The following CYYR1 variants were observed in gnomAD, a reference collection of about 807,000 sequenced individuals.
CYYR1 encodes cysteine and tyrosine rich 1.
CYYR1 carries 14 observed loss-of-function variants against 15.2 expected under a neutral mutation model. That is an observed-to-expected ratio of 0.92 (90% CI 0.61 to 1.44). CYYR1 has a LOEUF of 1.44. Among genes scored for constraint, CYYR1 ranks in the 40% most tolerant of loss-of-function variants. CYYR1 has a pLI of 0.00. For synonymous variants in CYYR1, 80 were observed against 77.4 expected, an observed-to-expected ratio of 1.03 and a Z score of -0.18; for missense variants, 228 against 209.5, an observed-to-expected ratio of 1.09 and a Z score of -0.54.
intron 2 of CYYR1, chr21:26,483,542 T>G: frequency 2.1e-6 from 1 of 482,544 alleles, no homozygotes; most frequent in African/African-American, 2.1e-5. Flanking sequence ...GGCTATTCAT[T>G]TTTCTCCATG....
At chr21:26,507,112 G>T (rs141267230) in intron 2 of CYYR1, among the ~76,000 whole-genome samples, 1 of 152,044 alleles carries the variant, frequency 6.6e-6, no homozygotes, top group Non-Finnish European at 1.5e-5. Context: ...TTTTATTTTC[G>T]ACTTTAAAAT....
intron 2 of CYYR1, among the ~76,000 whole-genome samples, chr21:26,563,727 G>C (rs1047828233): frequency 2.0e-5 from 3 of 152,106 alleles, no homozygotes; most frequent in Admixed American, 2.0e-4. Flanking sequence ...AGAATTAAGG[G>C]CTAAACAGCA....
At chr21:26,491,425 A>G (rs1436160523) in intron 2 of CYYR1, among the ~76,000 whole-genome samples, 1 of 152,144 alleles carries the variant, frequency 6.6e-6, no homozygotes, top group Non-Finnish European at 1.5e-5. Context: ...ATTTGTTGAG[A>G]TTTAAGTCCT....
At chr21:26,477,692 C>T (rs2065122036) in intron 3 of CYYR1, 1 of 940,002 alleles carries the variant, frequency 1.1e-6, no homozygotes, top group African/African-American at 1.8e-5. Context: ...CTTTTTTGAT[C>T]AAGCTAATGA....
At chr21:26,521,060 G>A (rs1194256272) in intron 2 of CYYR1, among the ~76,000 whole-genome samples, 1 of 152,106 alleles carries the variant, frequency 6.6e-6, no homozygotes, top group Non-Finnish European at 1.5e-5. Context: ...AGAGCATCAC[G>A]ATAAATAGCT....
chr21:26,484,486 T>G (rs531375768), intron 2 of CYYR1, among the ~76,000 whole-genome samples: 1 of 152,276 alleles, frequency 6.6e-6, no homozygotes, highest in South Asian at 2.1e-4. Flanking sequence ...GATGTGTTGC[T>G]ATTAGTAATT....
chr21:26,516,586 ATT>A (rs2065729665), intron 2 of CYYR1, among the ~76,000 whole-genome samples: 1 of 152,196 alleles, frequency 6.6e-6, no homozygotes, highest in Non-Finnish European at 1.5e-5. Flanking sequence ...AATATAATCA[ATT>A]TTTAATTGTC....
chr21:26,542,973 A>G (rs185021079), intron 2 of CYYR1, among the ~76,000 whole-genome samples: 212 of 152,342 alleles, frequency 1.4e-3, no homozygotes, highest in Admixed American at 2.4e-3. Flanking sequence ...CAATGCCTAA[A>G]TGATATATTC....
intron 2 of CYYR1, chr21:26,551,892 A>G: frequency 5.5e-6 from 1 of 181,464 alleles, no homozygotes. Flanking sequence ...AACGCTACCG[A>G]AGAGCGTTGC....
intron 2 of CYYR1, among the ~76,000 whole-genome samples, chr21:26,493,676 G>C (rs924461760): frequency 1.3e-5 from 2 of 152,078 alleles, no homozygotes; most frequent in African/African-American, 4.8e-5. Flanking sequence ...ATCTCTTACT[G>C]TTCCCAGAGG....
chr21:26,489,482 T>C (rs1416818620), intron 2 of CYYR1, among the ~76,000 whole-genome samples: 1 of 152,064 alleles, frequency 6.6e-6, no homozygotes, highest in Non-Finnish European at 1.5e-5. Flanking sequence ...CGAATACATA[T>C]GATTCAAAAA....
intron 2 of CYYR1, among the ~76,000 whole-genome samples, chr21:26,487,716 T>A (rs2065269765): frequency 6.6e-6 from 1 of 152,070 alleles, no homozygotes; most frequent in Non-Finnish European, 1.5e-5. Context: ...AATCGTAGGA[T>A]CTCAGAACTA....
chr21:26,489,184 A>C (rs779164603), intron 2 of CYYR1, among the ~76,000 whole-genome samples: 2 of 152,200 alleles, frequency 1.3e-5, no homozygotes, highest in Admixed American at 1.3e-4. Context: ...CTTACGTAGA[A>C]TTAAACTTTA....
chr21:26,488,821 GT>G (rs1278594830), intron 2 of CYYR1, among the ~76,000 whole-genome samples: 1 of 152,082 alleles, frequency 6.6e-6, no homozygotes, highest in Non-Finnish European at 1.5e-5. Context: ...AGAGGTATGA[GT>G]TTGATGGAGT....
At chr21:26,496,513 C>A (rs1408236329) in intron 2 of CYYR1, among the ~76,000 whole-genome samples, 2 of 152,076 alleles carry the variant, frequency 1.3e-5, no homozygotes, top group Non-Finnish European at 2.9e-5. Context: ...AGGAAGAAAT[C>A]ATGGATGTAC....
intron 2 of CYYR1, among the ~76,000 whole-genome samples, chr21:26,525,652 C>T (rs1397019243): frequency 6.6e-6 from 1 of 152,154 alleles, no homozygotes; most frequent in Non-Finnish European, 1.5e-5. Flanking sequence ...ATTTATGGCA[C>T]TATGTTAAAT....
At chr21:26,568,935 G>C (rs1980831368) in intron 1 of CYYR1, 1 of 152,198 alleles carries the variant, frequency 6.6e-6, no homozygotes, top group Non-Finnish European at 1.5e-5. Context: ...AAAAGCAACA[G>C]ATGCTGGTGA....
At position 26,566,345 on chromosome 21, in the gene CYYR1, T is replaced by A; in HGVS notation, c.97A>T (p.Lys33Ter). 6.2e-7 allele frequency: 1 copy of A among 1,613,728 alleles called. No homozygotes were observed. The highest frequency in any genetic ancestry group is 8.5e-7 in the Non-Finnish European group (1 of 1,179,734). The change falls in exon 2 of 4, where the codon AAA (lysine) becomes TAA (stop). Residue 33 changes from lysine (K) to a stop codon, truncating the protein, a stop_gained. Transcript: ENST00000652641. LOFTEE classifies it high-confidence loss of function. ...YADDCLAQCGKDCKSYCCDGT... is the reference protein window; with the variant it reads ...YADDCLAQCG Reference sequence around the variant, plus strand: ...TCACAGCAGTAAGATTTGCAATCTTTGCCACACTGAGCAAGGCAATCATCT... The same window carrying A: ...TCACAGCAGTAAGATTTGCAATCTTAGCCACACTGAGCAAGGCAATCATCT...
chr21:26,486,985 T>A (rs1398731206), intron 2 of CYYR1, among the ~76,000 whole-genome samples: 1 of 152,110 alleles, frequency 6.6e-6, no homozygotes, highest in African/African-American at 2.4e-5. Flanking sequence ...AAAGGGCTTA[T>A]GAATATTCTA....
Sources: allele counts gnomAD v4.1 joint callset (sites outside exome capture counted in the v4.1 genomes callset), GRCh38; gene constraint gnomAD v4.1.1; transcripts MANE v1.5; gene names NCBI Gene and HGNC (gene_info 2026-07-23, HGNC 2026-07-21).